The following CEP162 variants were observed in gnomAD, a reference collection of about 807,000 sequenced individuals.
CEP162 encodes centrosomal protein of 162 kDa.
CEP162 carries 141 observed loss-of-function variants against 169.2 expected under a neutral mutation model. That is an observed-to-expected ratio of 0.83 (90% confidence interval 0.73 to 0.96). CEP162 has a LOEUF of 0.96. CEP162 is among the 40% of genes least tolerant of loss of function. CEP162 has a pLI of 0.00. For missense variants in CEP162, 1,600 were observed against 1,587.2 expected, an observed-to-expected ratio of 1.01 and a Z score of -0.14; for synonymous variants, 540 against 526.4, an observed-to-expected ratio of 1.03 and a Z score of -0.35.
chr6:84,179,210 G>A (rs146201738), intron 13 of CEP162, among the ~76,000 whole-genome samples: 5,427 of 152,160 alleles, frequency 0.036, 349 homozygotes, highest in African/African-American at 0.12. Context: ...GGTATTTCTA[G>A]TTCTAGATCC....
In CEP162 at chr6:84,152,607, C is replaced by G; in HGVS notation, c.3567G>C (p.Glu1189Asp). ...LKNELEGLIS[E>D]KNELKMKSEA... is the part of the protein sequence containing the mutation. ...CAGATTTCATCTTCAGTTCATTCTT[C>G]TCTGAAATTAATCCTTCTAGCTCAT... is the stretch of plus-strand genomic sequence containing the variant. The change falls in exon 23 of 27, where the codon GAG (glutamate) becomes GAC (aspartate). Residue 1189 changes from glutamate to aspartate, a missense_variant. Physicochemically the swap from Glu to Asp is conservative, Grantham distance 45. Coordinates refer to ENST00000403245, the MANE Select transcript of CEP162 (RefSeq NM_014895.4). The G allele has an allele frequency of 6.4e-7, 1 of 1,560,694 alleles. No homozygotes were observed. Among genetic ancestry groups the G allele is most frequent in the Non-Finnish European group, 8.7e-7 (1 of 1,151,272 alleles).
chr6:84,163,058 A>T, intron 19 of CEP162, 86 bp downstream of exon 19: 2 of 1,303,058 alleles, frequency 1.5e-6, no homozygotes, highest in Non-Finnish European at 2.2e-6. Flanking sequence ...TAGCATTTTG[A>T]TTATACCATT....
chr6:84,168,517 A>G (rs1427446659), intron 18 of CEP162, among the ~76,000 whole-genome samples: 1 of 152,056 alleles, frequency 6.6e-6, no homozygotes, highest in Non-Finnish European at 1.5e-5. Flanking sequence ...AGGGCTTTTT[A>G]GTTTAGTACT....
chr6:84,181,501 T>C (rs2099534814), intron 13 of CEP162, among the ~76,000 whole-genome samples: 1 of 152,198 alleles, frequency 6.6e-6, no homozygotes, highest in Admixed American at 6.6e-5. Flanking sequence ...AATTGTCAAG[T>C]AATTACTTTA....
chr6:84,173,507 C>T (rs1033663518), intron 16 of CEP162, among the ~76,000 whole-genome samples: 10 of 151,990 alleles, frequency 6.6e-5, no homozygotes, highest in African/African-American at 2.4e-4. Context: ...TTAAGTGATG[C>T]CCAAGGCACA....
At chr6:84,175,156 T>C in intron 14 of CEP162, 58 bp downstream of exon 14, 2 of 1,150,778 alleles carry the variant, frequency 1.7e-6, no homozygotes, top group Non-Finnish European at 2.4e-6. Flanking sequence ...ATATATAATT[T>C]AGTTTTAATA....
At chr6:84,169,929 T>C (rs982316488) in intron 17 of CEP162, among the ~76,000 whole-genome samples, 3 of 152,166 alleles carry the variant, frequency 2.0e-5, no homozygotes, top group Admixed American at 1.3e-4. Flanking sequence ...CATAAGATCA[T>C]CTAACCCTAA....
intron 9 of CEP162, among the ~76,000 whole-genome samples, chr6:84,198,371 A>G (rs1357220510): frequency 6.6e-6 from 1 of 152,022 alleles, no homozygotes; most frequent in Non-Finnish European, 1.5e-5. Flanking sequence ...TCCGCCTCCC[A>G]GGTTCAAGCG....
At chr6:84,154,314 A>ATCTGTCTGTCTG (rs1170423529) in intron 22 of CEP162, among the ~76,000 whole-genome samples, 22 of 137,234 alleles carry the variant, frequency 1.6e-4, no homozygotes, top group African/African-American at 7.7e-4. Context: ...TATCAGGGAT[A>ATCTGTCTGTCTG]TCTATCTATC....
intron 22 of CEP162, among the ~76,000 whole-genome samples, chr6:84,154,940 T>C (rs1387686572): frequency 1.3e-5 from 2 of 152,192 alleles, no homozygotes; most frequent in East Asian, 3.9e-4. Flanking sequence ...TACCCTTCTC[T>C]AGATAAATTT....
chr6:84,143,626 G>C (rs1199911809), intron 25 of CEP162, among the ~76,000 whole-genome samples: 7 of 150,856 alleles, frequency 4.6e-5, no homozygotes, highest in African/African-American at 1.4e-4. Context: ...CTTGCAGAAG[G>C]AGAGAGAAAG....
At chr6:84,196,187 G>A (rs2099542058) in intron 9 of CEP162, among the ~76,000 whole-genome samples, 1 of 152,150 alleles carries the variant, frequency 6.6e-6, no homozygotes, top group Non-Finnish European at 1.5e-5. Flanking sequence ...ATAGAATTAT[G>A]GGGGTGGGTC....
At chr6:84,130,388 G>A (rs1170121222) in intron 25 of CEP162, among the ~76,000 whole-genome samples, 2 of 152,136 alleles carry the variant, frequency 1.3e-5, no homozygotes, top group Admixed American at 1.3e-4. Flanking sequence ...AGTTAGGGAG[G>A]AGTCCCTCTT....
intron 18 of CEP162, among the ~76,000 whole-genome samples, chr6:84,163,759 A>C (rs1233324214): frequency 6.6e-6 from 1 of 152,024 alleles, no homozygotes; most frequent in Non-Finnish European, 1.5e-5. Context: ...TGAGGTCAGG[A>C]ATTCGAGACC....
chr6:84,185,725 A>G (rs896168568), intron 12 of CEP162, among the ~76,000 whole-genome samples: 2 of 152,210 alleles, frequency 1.3e-5, no homozygotes, highest in African/African-American at 4.8e-5. Flanking sequence ...TGAATGCAGC[A>G]GAAAGAACAT....
At chr6:84,172,456 T>C (rs1249920130) in intron 16 of CEP162, among the ~76,000 whole-genome samples, 1 of 152,210 alleles carries the variant, frequency 6.6e-6, no homozygotes, top group Non-Finnish European at 1.5e-5. Context: ...ATGCAAACTA[T>C]AGACTGTTTT....
intron 11 of CEP162, 62 bp downstream of exon 11, chr6:84,193,547 T>C: frequency 2.1e-6 from 2 of 967,314 alleles, no homozygotes; most frequent in East Asian, 5.4e-5. Context: ...CTAGGAATGA[T>C]TACATAGAAC....
Position 84,143,625 on chromosome 6 carries a change from GGA to G in CEP162, c.3870+3060_3870+3061del, listed in dbSNP as rs528004857. Among the ~76,000 whole-genome samples the G allele has an allele frequency of 1.4e-4, 21 of 152,012 alleles. No individual in the cohort carries two copies. The South Asian group carries it at 4.4e-3, about 32-fold the overall frequency. On this transcript the variant is annotated intron_variant, in intron 25 of 26. Transcript: ENST00000403245. ...TGAATGAATGTAGAAGCTTGCAGAA[GGA>G]GAGAGAAAGAGAAAGTGAGAATGCA...
chr6:84,188,503 T>A (rs1342483472), intron 11 of CEP162, among the ~76,000 whole-genome samples: 3 of 152,192 alleles, frequency 2.0e-5, no homozygotes, highest in Non-Finnish European at 4.4e-5. Flanking sequence ...TGTTCCTGCA[T>A]TAGTTTGCTT....
Sources: gnomAD v4.1 joint callset for allele counts (sites outside exome capture counted in the v4.1 genomes callset) on GRCh38, gnomAD v4.1.1 for gene constraint, MANE v1.5 for transcripts, NCBI Gene and HGNC (gene_info 2026-07-23, HGNC 2026-07-21) for gene names.